The following KCNJ6 variants were observed in gnomAD, a reference collection of about 807,000 sequenced individuals.
The protein encoded by KCNJ6 is G protein-activated inward rectifier potassium channel 2.
KCNJ6 carries 9 observed loss-of-function variants against 34.2 expected under a neutral mutation model. The ratio of observed to expected loss-of-function variants is 0.26; its 90% CI spans 0.16 to 0.46. The LOEUF (loss-of-function observed/expected upper bound fraction) is 0.46. KCNJ6 is among the 20% of genes least tolerant of loss of function. The pLI is 1.00. For missense variants in KCNJ6, 236 were observed against 531.3 expected, an observed-to-expected ratio of 0.44 and a Z score of 5.46; for synonymous variants, 196 against 207.1, an observed-to-expected ratio of 0.95 and a Z score of 0.46.
Position 37,625,120 on chromosome 21 carries a change from T to G in KCNJ6, c.*39A>C. On this transcript the variant is annotated 3_prime_UTR_variant, in exon 4 of 4. Transcript: ENST00000609713. ...GAGAATGAGAGACAAGGAAAGATTG[T>G]GTTGGGGGGAGAAGAGAAGGGTTTG... The G allele has an allele frequency of 1.5e-6, 2 of 1,333,214 alleles. No individual in the cohort carries two copies. The highest frequency in any genetic ancestry group is 2.1e-6 in the Non-Finnish European group (2 of 937,052). The allele number at this position is 1,333,214 out of a possible 1,614,324, so 82.6% of individuals were successfully genotyped here.
chr21:37,787,241 G>C (rs924447089), intron 2 of KCNJ6, among the ~76,000 whole-genome samples: 1 of 152,196 alleles, frequency 6.6e-6, no homozygotes, highest in Non-Finnish European at 1.5e-5. Context: ...GACTAGAGCT[G>C]TATAAAAACT....
Position 37,625,191 on chromosome 21 carries a change from C to A in KCNJ6, c.1240G>T (p.Val414Leu), listed in dbSNP as rs761282483. Residue 414 changes from valine (V) to leucine (L), a missense_variant, in exon 4 of 4, where the codon GTG (valine) becomes TTG (leucine). Physicochemically the swap from Val to Leu is conservative, Grantham distance 32. Around this residue, in one of 5 missense-constraint regions of KCNJ6, gnomAD observed 43 missense variants for 52.1 expected, o/e 0.82. Coordinates refer to ENST00000609713, the MANE Select transcript of KCNJ6 (RefSeq NM_002240.5). Reference sequence around the variant, plus strand: ...TTGGATTCATTCTCCAGGTTTGCCACATCACCATTTCTTTCTGTTTGCTCT... The same window carrying A: ...TTGGATTCATTCTCCAGGTTTGCCAAATCACCATTTCTTTCTGTTTGCTCT... ...LEEQTERNGD[V>L]ANLENESKV 4.3e-6 allele frequency: 7 copies of A among 1,614,164 alleles called. No individual in the cohort carries two copies. The East Asian group carries it at 1.3e-4, about 31-fold the overall frequency.
At chr21:37,627,111 C>T (rs1020526472) in intron 3 of KCNJ6, among the ~76,000 whole-genome samples, 2 of 152,190 alleles carry the variant, frequency 1.3e-5, no homozygotes, top group African/African-American at 4.8e-5. Context: ...CAGAGCTACA[C>T]AACATTCCTG....
chr21:37,846,309 A>G (rs1166941297), intron 1 of KCNJ6, among the ~76,000 whole-genome samples: 2 of 151,332 alleles, frequency 1.3e-5, no homozygotes, highest in African/African-American at 4.9e-5. Context: ...AATGAGGGCA[A>G]TTATAACAGT....
intron 2 of KCNJ6, among the ~76,000 whole-genome samples, chr21:37,811,941 C>T (rs1223916542): frequency 6.6e-6 from 1 of 152,094 alleles, no homozygotes; most frequent in African/African-American, 2.4e-5. Flanking sequence ...AAACATAAAG[C>T]CATCCCAAAA....
rs548436776 is a variant in KCNJ6, at chr21:37,694,125, C to T, written c.946+20086G>A. Among the ~76,000 whole-genome samples, 169 of 152,304 alleles carry T rather than the reference C, an allele frequency of 1.1e-3. 3 individuals carry two copies. The highest frequency in any genetic ancestry group is 2.1e-4 in the Non-Finnish European group (14 of 68,030). Reference sequence around the variant, plus strand: ...TGAGAAGGTTCTGGAGGGAGAAAGGCCCCTCCTGGGACAGAGGTGGTGTTC... The same window carrying T: ...TGAGAAGGTTCTGGAGGGAGAAAGGTCCCTCCTGGGACAGAGGTGGTGTTC... On this transcript the variant is annotated intron_variant, in intron 3 of 3. Coordinates refer to ENST00000609713, the MANE Select transcript of KCNJ6 (RefSeq NM_002240.5).
chr21:37,839,024 C>A (rs1443557882), intron 2 of KCNJ6, among the ~76,000 whole-genome samples: 1 of 152,180 alleles, frequency 6.6e-6, no homozygotes. Flanking sequence ...TTTCCTGGGG[C>A]CTCCCCAGAA....
intron 1 of KCNJ6, among the ~76,000 whole-genome samples, chr21:37,899,922 T>C (rs2055808424): frequency 6.6e-6 from 1 of 152,158 alleles, no homozygotes; most frequent in Non-Finnish European, 1.5e-5. Flanking sequence ...CCTTTACAAC[T>C]CGCCCAGTTC....
rs1169746767 is a variant in KCNJ6, at chr21:37,712,740, TC to T, written c.946+1470del. 2.8e-3 allele frequency among the ~76,000 whole-genome samples: 185 copies of T among 65,506 alleles called. 30 individuals are homozygous for T. The highest frequency in any genetic ancestry group is 3.9e-3 in the Non-Finnish European group (118 of 30,464). The allele number at this position is 65,506 out of a possible 152,430, so 43.0% of individuals were successfully genotyped here. ...TCTTCCCTCCTTCCTCCCCTTCTCC[TC>T]CTCTCCTTCCTCCCCTTCCTCCTCC... On this transcript the variant is annotated intron_variant, in intron 3 of 3. Coordinates refer to ENST00000609713, the MANE Select transcript of KCNJ6 (RefSeq NM_002240.5).
intron 1 of KCNJ6, among the ~76,000 whole-genome samples, chr21:37,903,271 A>G (rs911290426): frequency 4.6e-5 from 7 of 152,158 alleles, no homozygotes; most frequent in Non-Finnish European, 7.4e-5. Flanking sequence ...ATGGTAGTGA[A>G]TAAGTCTCAT....
intron 2 of KCNJ6, among the ~76,000 whole-genome samples, chr21:37,749,764 A>C (rs950186795): frequency 6.6e-6 from 1 of 152,240 alleles, no homozygotes; most frequent in Admixed American, 6.5e-5. Flanking sequence ...CGGTCTCAGG[A>C]AAGTCCTCTA....
At chr21:37,681,566 G>A (rs1038036971) in intron 3 of KCNJ6, among the ~76,000 whole-genome samples, 5 of 137,292 alleles carry the variant, frequency 3.6e-5, no homozygotes, top group Non-Finnish European at 8.3e-5. Context: ...GTATGCACAT[G>A]CTTGTTGGTT....
chr21:37,751,887 T>C (rs1473459535), intron 2 of KCNJ6, among the ~76,000 whole-genome samples: 2 of 152,206 alleles, frequency 1.3e-5, no homozygotes, highest in Non-Finnish European at 2.9e-5. Context: ...ATATGATAAT[T>C]CCTCAATGCA....
intron 1 of KCNJ6, among the ~76,000 whole-genome samples, chr21:37,846,064 A>G (rs1320442800): frequency 3.3e-5 from 5 of 151,924 alleles, no homozygotes; most frequent in African/African-American, 7.3e-5. Flanking sequence ...TAAATCATAA[A>G]CTCCTCGGGT....
chr21:37,912,634 CA>C (rs1296368685), intron 1 of KCNJ6, among the ~76,000 whole-genome samples: 1 of 152,206 alleles, frequency 6.6e-6, no homozygotes, highest in African/African-American at 2.4e-5. Context: ...CTTTAGGTAG[CA>C]ACCTTTTCAT....
chr21:37,739,691 C>T (rs1483887112), intron 2 of KCNJ6, among the ~76,000 whole-genome samples: 1 of 151,912 alleles, frequency 6.6e-6, no homozygotes, highest in Non-Finnish European at 1.5e-5. Flanking sequence ...CACTAATAAC[C>T]CAATTTGTGC....
At chr21:37,759,563 C>T (rs1426341602) in intron 2 of KCNJ6, among the ~76,000 whole-genome samples, 3 of 152,180 alleles carry the variant, frequency 2.0e-5, no homozygotes, top group African/African-American at 7.2e-5. Flanking sequence ...CCCCGCCATC[C>T]CCATCACTGG....
intron 1 of KCNJ6, among the ~76,000 whole-genome samples, chr21:37,840,960 A>G (rs1304986049): frequency 1.3e-5 from 2 of 152,192 alleles, no homozygotes; most frequent in African/African-American, 2.4e-5. Flanking sequence ...TCTTGGATAT[A>G]TATAATTGGT....
intron 3 of KCNJ6, among the ~76,000 whole-genome samples, chr21:37,674,258 C>T (rs1317923363): frequency 6.6e-6 from 1 of 152,202 alleles, no homozygotes; most frequent in Non-Finnish European, 1.5e-5. Flanking sequence ...CTCTGTTTGC[C>T]TGGGACTTAC....
Sources: gnomAD v4.1 joint callset for allele counts (sites outside exome capture counted in the v4.1 genomes callset) on GRCh38, gnomAD v4.1.1 for gene constraint, gnomAD v4.1.1 regional missense constraint, MANE v1.5 for transcripts, NCBI Gene and HGNC (gene_info 2026-07-23, HGNC 2026-07-21) for gene names.